The following OLA1 variants were observed in gnomAD, a reference collection of about 807,000 sequenced individuals.
OLA1 encodes the protein Obg like ATPase 1, also known as obg-like ATPase 1.
In OLA1, 14 loss-of-function variants were observed where a neutral mutation model predicts 48.4. The observed-to-expected ratio is 0.29, with a 90% CI of 0.19 to 0.45. The LOEUF (loss-of-function observed/expected upper bound fraction) is 0.45. Among genes scored for constraint, OLA1 ranks in the 20% least tolerant of loss-of-function variants. OLA1 has a pLI of 1.00. For synonymous variants in OLA1, 127 were observed against 150.4 expected, an observed-to-expected ratio of 0.84 and a Z score of 1.14; for missense variants, 325 against 467.1, an observed-to-expected ratio of 0.70 and a Z score of 2.80.
intron 4 of OLA1, among the ~76,000 whole-genome samples, chr2:174,168,916 C>T (rs1687233915): frequency 6.6e-6 from 1 of 151,030 alleles, no homozygotes; most frequent in East Asian, 1.9e-4. Flanking sequence ...CGAACAGAGC[C>T]TCAGGGACCT....
rs1045289488 is a variant in OLA1, at chr2:174,074,318, G to A, written c.*1108C>T. ...ACATGGGAGAGAAAGGGAGGCTCAGGGCCGAGAGAGCTTTCAGGCCATCAT... is the reference window on the plus strand; with the variant it reads ...ACATGGGAGAGAAAGGGAGGCTCAGAGCCGAGAGAGCTTTCAGGCCATCAT... On this transcript the variant is annotated 3_prime_UTR_variant, in exon 11 of 11. Transcript: ENST00000284719. The A allele has an allele frequency of 6.6e-6, 1 of 152,162 alleles. No individual in the cohort carries two copies. Among genetic ancestry groups the A allele is most frequent in the African/African-American group, 2.4e-5 (1 of 41,416 alleles). 9.4% of individuals were successfully genotyped at this position (152,162 alleles called of 1,614,324 possible). A position where few individuals can be genotyped will look rare whatever the true frequency, so the allele number is the denominator to read the frequency against.
chr2:174,087,657 A>G (rs1453700363), intron 7 of OLA1, among the ~76,000 whole-genome samples: 1 of 152,150 alleles, frequency 6.6e-6, no homozygotes, highest in Admixed American at 6.5e-5. Context: ...GATATTTTGC[A>G]TAAAATCCAA....
chr2:174,151,627 A>G (rs867111079), intron 4 of OLA1, among the ~76,000 whole-genome samples: 5 of 152,212 alleles, frequency 3.3e-5, no homozygotes, highest in Admixed American at 2.6e-4. Context: ...TCAAATTTCC[A>G]ATCCATTCTT....
At position 174,153,526 on chromosome 2, in the gene OLA1, A is replaced by G. The variant is rs531104685; in HGVS notation, c.374-11526T>C. On this transcript the variant is annotated intron_variant, in intron 4 of 10. Transcript: ENST00000284719. ...ACAAGAAGCAACACATTACAATATT[A>G]TACAGTGTAATTCTTCTAAATGTAC... 4.0e-5 allele frequency among the ~76,000 whole-genome samples: 6 copies of G among 151,696 alleles called. No individual in the cohort carries two copies. The East Asian group carries it at 1.2e-3, about 30-fold the overall frequency.
chr2:174,138,138 G>A (rs1414475231), intron 5 of OLA1, among the ~76,000 whole-genome samples: 35 of 152,232 alleles, frequency 2.3e-4, no homozygotes, highest in Non-Finnish European at 4.4e-5. Flanking sequence ...GGCTAACGTG[G>A]TGCAAAAGAC....
At chr2:174,179,328 T>G (rs1687482588) in intron 4 of OLA1, among the ~76,000 whole-genome samples, 1 of 151,846 alleles carries the variant, frequency 6.6e-6, no homozygotes, top group Non-Finnish European at 1.5e-5. Flanking sequence ...CGTCTCAAAA[T>G]AGTTATGCAT....
chr2:174,080,158 G>C (rs1684826941), intron 9 of OLA1, among the ~76,000 whole-genome samples: 1 of 151,964 alleles, frequency 6.6e-6, no homozygotes, highest in African/African-American at 2.4e-5. Context: ...ACAAAGGGGA[G>C]AGGAGATAAA....
intron 7 of OLA1, among the ~76,000 whole-genome samples, chr2:174,106,882 G>A (rs573125337): frequency 5.9e-5 from 9 of 152,256 alleles, no homozygotes; most frequent in African/African-American, 2.2e-4. Flanking sequence ...AAAACTTCAT[G>A]TATCAGCTCA....
At chr2:174,165,675 C>A (rs780325100) in intron 4 of OLA1, among the ~76,000 whole-genome samples, 2 of 152,116 alleles carry the variant, frequency 1.3e-5, no homozygotes, top group East Asian at 1.9e-4. Flanking sequence ...AATGTTTAAG[C>A]GCTTATCATA....
rs201575108 is a variant in OLA1, at chr2:174,231,631, GA to G, written c.102-2181del. Among the ~76,000 whole-genome samples, 133 of 152,176 alleles carry G rather than the reference GA, an allele frequency of 8.7e-4. 2 individuals carry two copies. The East Asian group carries it at 0.024, about 27-fold the overall frequency. On this transcript the variant is annotated intron_variant, in intron 2 of 10. Transcript: ENST00000284719. Reference sequence around the variant, plus strand: ...ATAGCAAAAGAAAATTCCTTAGGCAGAAAAAATTCTTACATACATTCAAACT... The same window carrying G: ...ATAGCAAAAGAAAATTCCTTAGGCAGAAAAATTCTTACATACATTCAAACT...
rs1379186060 is a variant in OLA1, at chr2:174,223,068, T to C, written c.338A>G (p.His113Arg). 6.2e-7 allele frequency: 1 copy of C among 1,613,700 alleles called. No homozygotes were observed. The highest frequency in any genetic ancestry group is 1.3e-5 in the African/African-American group (1 of 75,018). ...GQGLGNAFLS[H>R]ISACDGIFHL... ...AAAGATGCCATCACAGGCACTAATA[T>C]GAGATAAAAAAGCATTCCCCAGGCC... Residue 113 changes from histidine (H) to arginine (R), a missense_variant, in exon 4 of 11, where the codon CAT becomes CGT. His to Arg is a conservative substitution (Grantham distance 29, BLOSUM62 0). Transcript: ENST00000284719.
At chr2:174,227,886 G>A (rs1182266504) in intron 3 of OLA1, among the ~76,000 whole-genome samples, 1 of 152,194 alleles carries the variant, frequency 6.6e-6, no homozygotes, top group African/African-American at 2.4e-5. Flanking sequence ...GTAAGTGAAA[G>A]TGAAAAAAGT....
At chr2:174,167,791 C>A (rs1687200720) in intron 4 of OLA1, among the ~76,000 whole-genome samples, 1 of 152,246 alleles carries the variant, frequency 6.6e-6, no homozygotes, top group Non-Finnish European at 1.5e-5. Context: ...TCTTAGTATG[C>A]ATGCTATCAC....
At chr2:174,163,171 C>T (rs1236861475) in intron 4 of OLA1, among the ~76,000 whole-genome samples, 1 of 152,134 alleles carries the variant, frequency 6.6e-6, no homozygotes, top group East Asian at 1.9e-4. Context: ...TAGGGAGAAG[C>T]CTGAGATTCT....
intron 4 of OLA1, among the ~76,000 whole-genome samples, chr2:174,189,885 C>CAA (rs1687738163): frequency 6.9e-6 from 1 of 144,706 alleles, no homozygotes; most frequent in Non-Finnish European, 1.5e-5. Flanking sequence ...AAACAAAACA[C>CAA]ACACACACAC....
chr2:174,237,726 C>G (rs1424159308), intron 2 of OLA1, among the ~76,000 whole-genome samples: 1 of 152,188 alleles, frequency 6.6e-6, no homozygotes, highest in Non-Finnish European at 1.5e-5. Flanking sequence ...TACACTCCAG[C>G]CTGGGCAATG....
At chr2:174,166,411 C>G (rs1010950816) in intron 4 of OLA1, among the ~76,000 whole-genome samples, 1 of 152,140 alleles carries the variant, frequency 6.6e-6, no homozygotes, top group Admixed American at 6.5e-5. Flanking sequence ...CAAGGAAGCT[C>G]TCCTTAGAAA....
At position 174,104,882 on chromosome 2, in the gene OLA1, T is replaced by C. The variant is rs569966685; in HGVS notation, c.728+18298A>G. On this transcript the variant is annotated intron_variant, in intron 7 of 10. Coordinates refer to ENST00000284719, the MANE Select transcript of OLA1 (RefSeq NM_013341.5). The stretch of plus-strand genomic sequence containing the variant: ...CTATTGAAACATAGGTACAATTCAA[T>C]GTAATGATTCATAGTGTCTCTAATA... Among the ~76,000 whole-genome samples the C allele has an allele frequency of 2.3e-4, 35 of 152,098 alleles. 1 individual carries two copies. The South Asian group carries it at 7.3e-3, about 32-fold the overall frequency.
intron 4 of OLA1, among the ~76,000 whole-genome samples, chr2:174,214,649 T>C (rs980209238): frequency 2.0e-5 from 3 of 152,190 alleles, no homozygotes; most frequent in Non-Finnish European, 4.4e-5. Context: ...AGTCTTGCCA[T>C]TTTCATATTA....
Sources: allele counts gnomAD v4.1 joint callset (sites outside exome capture counted in the v4.1 genomes callset), GRCh38; gene constraint gnomAD v4.1.1; transcripts MANE v1.5; gene names NCBI Gene and HGNC (gene_info 2026-07-23, HGNC 2026-07-21).